The following ABCG5 variants were observed in gnomAD, a reference collection of about 807,000 sequenced individuals.
ABCG5 encodes ATP-binding cassette sub-family G member 5.
A neutral mutation model predicts 64.5 loss-of-function variants in ABCG5; 64 were observed. That is an observed-to-expected ratio of 0.99 (90% confidence interval 0.81 to 1.22). The LOEUF (loss-of-function observed/expected upper bound fraction) is 1.22, where lower values mean the gene tolerates loss of function less well. ABCG5 is among the 50% of genes most tolerant of loss of function. The pLI, the probability that ABCG5 is intolerant of heterozygous loss-of-function variation, is 0.00. For missense variants in ABCG5, 908 were observed against 829.5 expected, an observed-to-expected ratio of 1.09 and a Z score of -1.16; for synonymous variants, 385 against 326.3, an observed-to-expected ratio of 1.18 and a Z score of -1.94.
At chr2:43,809,979 A>G, downstream of ABCG5, 1 of 1,251,214 alleles carries the variant, frequency 8.0e-7, no homozygotes. Context: ...ATTTTTTTTA[A>G]AATAAAAGAA....
intron 11 of ABCG5, among the ~76,000 whole-genome samples, chr2:43,818,836 T>G (rs185114001): frequency 2.3e-4 from 35 of 152,356 alleles, no homozygotes; most frequent in African/African-American, 7.9e-4. Flanking sequence ...CCGTTCCTTC[T>G]CATGATCCCT....
chr2:43,814,594 A>G lies in ABCG5; in HGVS notation c.1650-5T>C, dbSNP rs1666697124. On this transcript the variant is annotated splice_region_variant and splice_polypyrimidine_tract_variant and intron_variant, in intron 11 of 12. Transcript: ENST00000405322. ...ATGGGCATTTCTTGTATGTTTCTTA[A>G]GAAAAAGAAAACAAAAATGAAATTC... The G allele has an allele frequency of 6.5e-7, 1 of 1,546,862 alleles. No individual in the cohort carries two copies. The highest frequency in any genetic ancestry group is 8.9e-7 in the Non-Finnish European group (1 of 1,119,968).
At chr2:43,837,755 G>A in intron 2 of ABCG5, 79 bp downstream of exon 2, 1 of 1,592,698 alleles carries the variant, frequency 6.3e-7, no homozygotes, top group Non-Finnish European at 8.6e-7. Flanking sequence ...TGGCTTTCTT[G>A]TTACAACTTA....
At chr2:43,808,477 C>T (rs1393843662), downstream of ABCG5, among the ~76,000 whole-genome samples, 3 of 152,154 alleles carry the variant, frequency 2.0e-5, no homozygotes, top group Admixed American at 6.5e-5. Context: ...AGAGTAACCA[C>T]GTTTTATTTG....
At chr2:43,813,708 C>CCTTTT (rs1558715512) in intron 12 of ABCG5, among the ~76,000 whole-genome samples, 1 of 35,368 alleles carries the variant, frequency 2.8e-5, no homozygotes, top group Non-Finnish European at 5.7e-5. Context: ...TTTTTTTTTT[C>CCTTTT]GTTTTTTTTT....
downstream of ABCG5, chr2:43,810,043 G>C (rs142143732): frequency 7.7e-5 from 63 of 815,908 alleles, no homozygotes; most frequent in East Asian, 3.4e-3. Context: ...AATTCAGCAT[G>C]TATAAGTTTC....
At chr2:43,824,171 T>C in intron 8 of ABCG5, 48 bp downstream of exon 8, 1 of 1,614,084 alleles carries the variant, frequency 6.2e-7, no homozygotes, top group Non-Finnish European at 8.5e-7. Flanking sequence ...TATTGGGGGA[T>C]GGCTAAAGAC....
chr2:43,829,062 C>A (rs988419348), intron 4 of ABCG5, among the ~76,000 whole-genome samples: 32 of 152,264 alleles, frequency 2.1e-4, no homozygotes, highest in African/African-American at 7.7e-4. Flanking sequence ...AACCAGGAAA[C>A]AACAGATACT....
At chr2:43,835,103 C>G (rs1167587690) in intron 2 of ABCG5, among the ~76,000 whole-genome samples, 1 of 152,220 alleles carries the variant, frequency 6.6e-6, no homozygotes, top group Non-Finnish European at 1.5e-5. Flanking sequence ...TTGCAGCCCA[C>G]TGTGGATTCA....
Position 43,812,918 on chromosome 2 carries a change from G to T in ABCG5, c.*198C>A, listed in dbSNP as rs1481255337. 10 of 583,592 alleles carry T rather than the reference G, an allele frequency of 1.7e-5. No individual in the cohort carries two copies. The East Asian group carries it at 2.0e-4, about 12-fold the overall frequency. The allele number at this position is 583,592 out of a possible 1,614,324, so 36.2% of individuals were successfully genotyped here. On this transcript the variant is annotated 3_prime_UTR_variant, in exon 13 of 13. Transcript: ENST00000405322. ...AAATAACCACATGTCCCTGCAAGTT[G>T]TAAGAGCAAGGGACTATAAACCACT... is the stretch of plus-strand genomic sequence containing the variant.
intron 11 of ABCG5, among the ~76,000 whole-genome samples, chr2:43,819,699 T>A (rs1339370517): frequency 6.6e-6 from 1 of 152,250 alleles, no homozygotes; most frequent in Non-Finnish European, 1.5e-5. Flanking sequence ...CATAAACTTG[T>A]TAGTTCCTGA....
intron 10 of ABCG5, among the ~76,000 whole-genome samples, chr2:43,822,323 T>C (rs1667264954): frequency 6.6e-6 from 1 of 152,154 alleles, no homozygotes; most frequent in South Asian, 2.1e-4. Flanking sequence ...TGAAACTCTC[T>C]CCTTCCTCAT....
At chr2:43,839,118 T>C, upstream of ABCG5, 1 of 1,551,056 alleles carries the variant, frequency 6.4e-7, no homozygotes, top group Non-Finnish European at 8.7e-7. Context: ...GATACCTCGG[T>C]GAGTGAGCAA....
At chr2:43,837,765 A>C in intron 2 of ABCG5, 69 bp downstream of exon 2, 3 of 1,602,986 alleles carry the variant, frequency 1.9e-6, no homozygotes, top group Middle Eastern at 1.7e-4. Flanking sequence ...GTTACAACTT[A>C]ATCTGTTTCT....
intron 10 of ABCG5, chr2:43,822,478 G>GCACCC (rs1558737214): frequency 2.3e-6 from 1 of 432,260 alleles, no homozygotes; most frequent in South Asian, 1.1e-4. Flanking sequence ...CCTCCCCCAG[G>GCACCC]CCCCCCCCCA....
downstream of ABCG5, among the ~76,000 whole-genome samples, chr2:43,808,552 C>T (rs144765114): frequency 6.6e-6 from 1 of 152,288 alleles, no homozygotes; most frequent in African/African-American, 2.4e-5. Context: ...CAAGAGGCAT[C>T]CCCTTAGATG....
chr2:43,822,472 CCCCAGG>C, intron 10 of ABCG5: 13 of 677,276 alleles, frequency 1.9e-5, no homozygotes, highest in Non-Finnish European at 2.3e-5. Context: ...TTCTCCCCTC[CCCCAGG>C]CCCCCCCCCA....
chr2:43,811,755 C>T (rs1041336755), downstream of ABCG5, among the ~76,000 whole-genome samples: 3 of 152,136 alleles, frequency 2.0e-5, no homozygotes, highest in South Asian at 2.1e-4. Context: ...CCACCATGCC[C>T]AGCTAATTTT....
chr2:43,833,987 G>C (rs1668108795), intron 2 of ABCG5, among the ~76,000 whole-genome samples: 1 of 152,158 alleles, frequency 6.6e-6, no homozygotes, highest in South Asian at 2.1e-4. Context: ...CCTGGCCCTT[G>C]TTGAAATATT....
Sources: allele counts gnomAD v4.1 joint callset (sites outside exome capture counted in the v4.1 genomes callset), GRCh38; gene constraint gnomAD v4.1.1; transcripts MANE v1.5; gene names NCBI Gene and HGNC (gene_info 2026-07-23, HGNC 2026-07-21).